The following FARS2 variants were observed in gnomAD, a reference collection of about 807,000 sequenced individuals.
FARS2 encodes the protein phenylalanine--tRNA ligase, mitochondrial.
A neutral mutation model predicts 46.4 loss-of-function variants in FARS2; 40 were observed. The ratio of observed to expected loss-of-function variants is 0.86; its 90% CI spans 0.67 to 1.12. The LOEUF (loss-of-function observed/expected upper bound fraction) is 1.12, where lower values mean the gene tolerates loss of function less well. Ranked by LOEUF, FARS2 falls within the 50% of genes most tolerant of loss-of-function variation. The pLI, the probability that FARS2 is intolerant of heterozygous loss-of-function variation, is 0.00. For synonymous variants in FARS2, 234 were observed against 214.9 expected (o/e 1.09, Z -0.78); for missense variants, 513 against 567.9 (o/e 0.90, Z 0.98).
At chr6:5,717,349 ATATG>A (rs1759559995) in intron 6 of FARS2, among the ~76,000 whole-genome samples, 1 of 91,158 alleles carries the variant, frequency 1.1e-5, no homozygotes, top group African/African-American at 4.9e-5. Context: ...ATAGATATGT[ATATG>A]TGTGTGTGTG....
At chr6:5,597,919 T>C (rs1375908840) in intron 5 of FARS2, among the ~76,000 whole-genome samples, 1 of 152,110 alleles carries the variant, frequency 6.6e-6, no homozygotes, top group African/African-American at 2.4e-5. Context: ...ATTTAGAAAA[T>C]ATATGCTCTG....
At chr6:5,736,681 A>T (rs181883739) in intron 6 of FARS2, among the ~76,000 whole-genome samples, 9,502 of 149,862 alleles carry the variant, frequency 0.063, 879 homozygotes, top group African/African-American at 0.21. Flanking sequence ...TTTTTTTTTA[A>T]AAAATTGCAT....
chr6:5,510,087 A>G (rs191925360), intron 4 of FARS2, among the ~76,000 whole-genome samples: 1 of 152,200 alleles, frequency 6.6e-6, no homozygotes, highest in East Asian at 1.9e-4. Flanking sequence ...TTTTTATAGG[A>G]CAACCAAAGG....
chr6:5,737,674 A>G (rs1054161030), intron 6 of FARS2, among the ~76,000 whole-genome samples: 8 of 152,190 alleles, frequency 5.3e-5, no homozygotes, highest in Non-Finnish European at 1.5e-5. Flanking sequence ...CATGTGACCC[A>G]GTTTTGGCCA....
intron 5 of FARS2, among the ~76,000 whole-genome samples, chr6:5,587,356 T>C (rs1773674514): frequency 6.6e-6 from 1 of 152,208 alleles, no homozygotes; most frequent in South Asian, 2.1e-4. Flanking sequence ...TTTATTTTAA[T>C]TGAGATTTTA....
intron 2 of FARS2, among the ~76,000 whole-genome samples, chr6:5,404,182 G>T (rs955786392): frequency 4.6e-5 from 7 of 152,112 alleles, no homozygotes; most frequent in Admixed American, 1.3e-4. Flanking sequence ...CGACACTGTG[G>T]GATGGTCAGG....
At chr6:5,579,381 C>T (rs7744285) in intron 5 of FARS2, among the ~76,000 whole-genome samples, 28,473 of 151,990 alleles carry the variant, frequency 0.19, 2,863 homozygotes, top group East Asian at 0.4. Flanking sequence ...CTGCCTCAGC[C>T]TCCCGAGTAG....
Position 5,336,662 on chromosome 6 carries a change from C to T in FARS2, c.-21-31888C>T, listed in dbSNP as rs1022105790. ...CCTTGAGTTACAAACAATCCAATTACACCCTTTATTTTAAAATGTACAATT... is the reference window on the plus strand; with the variant it reads ...CCTTGAGTTACAAACAATCCAATTATACCCTTTATTTTAAAATGTACAATT... On this transcript the variant is annotated intron_variant, in intron 1 of 6. Coordinates refer to ENST00000274680, the MANE Select transcript of FARS2 (RefSeq NM_006567.5). Among the ~76,000 whole-genome samples the T allele has an allele frequency of 6.6e-5, 10 of 152,248 alleles. No individual in the cohort carries two copies. The South Asian group carries it at 2.1e-3, about 32-fold the overall frequency.
chr6:5,574,174 C>G (rs1056722714), intron 5 of FARS2, among the ~76,000 whole-genome samples: 3 of 152,084 alleles, frequency 2.0e-5, no homozygotes, highest in Admixed American at 2.0e-4. Flanking sequence ...CTCTGTCATC[C>G]AGGCTGGACT....
intron 4 of FARS2, among the ~76,000 whole-genome samples, chr6:5,497,284 T>A (rs1041665067): frequency 2.0e-5 from 3 of 152,206 alleles, no homozygotes; most frequent in Non-Finnish European, 2.9e-5. Flanking sequence ...GAGTTTGAAT[T>A]GATAACTGTT....
chr6:5,564,726 A>G (rs1403292201), intron 5 of FARS2, among the ~76,000 whole-genome samples: 1 of 152,214 alleles, frequency 6.6e-6, no homozygotes, highest in South Asian at 2.1e-4. Flanking sequence ...AATTTCACAT[A>G]AGACTTCTAA....
chr6:5,587,456 T>C (rs779187775), intron 5 of FARS2, among the ~76,000 whole-genome samples: 1 of 152,222 alleles, frequency 6.6e-6, no homozygotes, highest in African/African-American at 2.4e-5. Context: ...AAATAATTGA[T>C]TTGGCTTAGA....
At position 5,471,968 on chromosome 6, in the gene FARS2, T is replaced by A. The variant is rs191595972; in HGVS notation, c.904+40796T>A. On this transcript the variant is annotated intron_variant, in intron 4 of 6. Coordinates refer to ENST00000274680, the MANE Select transcript of FARS2 (RefSeq NM_006567.5). This position sits in a 1 kb window ranked among gnomAD's most constrained non-coding sequence, Gnocchi z 4.1. The stretch of plus-strand genomic sequence containing the variant: ...GAAAATGAATGAGAAACAAGTGGAA[T>A]TCAGAATAGTCCCCCAGCTCCTTAT... Among the ~76,000 whole-genome samples, 346 of 152,324 alleles carry A rather than the reference T, an allele frequency of 2.3e-3. 1 individual carries two copies. Among genetic ancestry groups the A allele is most frequent in the African/African-American group, 8.0e-3 (333 of 41,568 alleles).
At chr6:5,280,890 CTT>C (rs564032562) in intron 1 of FARS2, among the ~76,000 whole-genome samples, 7 of 152,118 alleles carry the variant, frequency 4.6e-5, no homozygotes, top group Admixed American at 1.3e-4. Context: ...GGTAGAAGAT[CTT>C]ATGTTTTTAG....
At chr6:5,619,834 A>G (rs1775672077) in intron 6 of FARS2, among the ~76,000 whole-genome samples, 1 of 151,708 alleles carries the variant, frequency 6.6e-6, no homozygotes, top group African/African-American at 2.4e-5. Context: ...TCTTTTTTCC[A>G]TATGTTCATT....
chr6:5,543,629 G>A (rs1004527014), intron 4 of FARS2, among the ~76,000 whole-genome samples: 5 of 152,224 alleles, frequency 3.3e-5, no homozygotes, highest in African/African-American at 1.2e-4. Flanking sequence ...CCAAAGTGCT[G>A]GGATTACAGG....
chr6:5,615,590 C>G (rs186354200), intron 6 of FARS2, among the ~76,000 whole-genome samples: 1 of 152,196 alleles, frequency 6.6e-6, no homozygotes, highest in Admixed American at 6.5e-5. Flanking sequence ...CCAATGGCAA[C>G]ATTTTTCTGT....
chr6:5,537,563 GGGCTTCCTCTC>G (rs1770292290), intron 4 of FARS2, among the ~76,000 whole-genome samples: 1 of 112,396 alleles, frequency 8.9e-6, no homozygotes, highest in African/African-American at 3.3e-5. Flanking sequence ...GAGATGTCCC[GGGCTTCCTCTC>G]GAGTTGGAGA....
intron 5 of FARS2, among the ~76,000 whole-genome samples, chr6:5,564,516 G>T (rs9405850): frequency 0.076 from 11,642 of 152,206 alleles, 609 homozygotes; most frequent in East Asian, 0.2. Flanking sequence ...TAAAAACAAT[G>T]AATGAGACTA....
Sources: allele counts gnomAD v4.1 joint callset (sites outside exome capture counted in the v4.1 genomes callset), GRCh38; gene constraint gnomAD v4.1.1; non-coding constraint Gnocchi (gnomAD v3.1); transcripts MANE v1.5; gene names NCBI Gene and HGNC (gene_info 2026-07-23, HGNC 2026-07-21).